Variants in MAP7D1 observed in about 807,000 individuals in gnomAD.
The protein encoded by MAP7D1 is MAP7 domain-containing protein 1.
Under a neutral mutation model 97.5 loss-of-function variants are expected in MAP7D1, and 30 were observed. The observed-to-expected ratio is 0.31, with a 90% CI of 0.23 to 0.42. MAP7D1 has a LOEUF of 0.42. Ranked by LOEUF, MAP7D1 falls within the 10% of genes least tolerant of loss-of-function variation. MAP7D1 has a pLI of 1.00. For missense variants in MAP7D1, 1,184 were observed against 1,179.5 expected, an observed-to-expected ratio of 1.00 and a Z score of -0.06; for synonymous variants, 536 against 477.1, an observed-to-expected ratio of 1.12 and a Z score of -1.61.
intron 1 of MAP7D1, among the ~76,000 whole-genome samples, chr1:36,161,742 G>A (rs1644411457): frequency 6.6e-6 from 1 of 152,130 alleles, no homozygotes. Context: ...TGTGTGCTGT[G>A]TGTGTCTCTG....
intron 6 of MAP7D1, among the ~76,000 whole-genome samples, 198 bp downstream of exon 6, chr1:36,175,206 C>G (rs543490867): frequency 6.6e-6 from 1 of 152,236 alleles, no homozygotes; most frequent in Non-Finnish European, 1.5e-5. Flanking sequence ...AGAGGTTGCC[C>G]TGTAGGAGAG....
At chr1:36,175,066 C>T in intron 6 of MAP7D1, 58 bp downstream of exon 6, 1 of 1,155,528 alleles carries the variant, frequency 8.7e-7, no homozygotes, top group Non-Finnish European at 1.3e-6. Flanking sequence ...CACCAAGCCT[C>T]CTCCAGAGCT....
chr1:36,172,776 GT>G, intron 4 of MAP7D1, 149 bp downstream of exon 4: 1 of 964,606 alleles, frequency 1.0e-6, no homozygotes, highest in Non-Finnish European at 1.4e-6. Flanking sequence ...GTGTCCCTGT[GT>G]TAGAATATCT....
chr1:36,173,341 C>G, intron 4 of MAP7D1, 23 bp from the exon 5 acceptor site: 1 of 1,585,398 alleles, frequency 6.3e-7, no homozygotes, highest in Non-Finnish European at 8.6e-7. Flanking sequence ...CCACATCTCT[C>G]TCTTCTCCCC....
chr1:36,161,877 A>ATGTGTGTGTGTGTGTGTGTG (rs10531948), intron 1 of MAP7D1, among the ~76,000 whole-genome samples: 2 of 139,042 alleles, frequency 1.4e-5, no homozygotes, highest in African/African-American at 5.6e-5. Context: ...GTGTGTGTGT[A>ATGTGTGTGTGTGTGTGTGTG]TGTGTGTGTG....
At chr1:36,177,152 G>A (rs546303529) in intron 8 of MAP7D1, among the ~76,000 whole-genome samples, 3 of 152,244 alleles carry the variant, frequency 2.0e-5, no homozygotes, top group African/African-American at 4.8e-5. Context: ...GTTTCGCTAC[G>A]TTGTCCAGGC....
At position 36,173,404 on chromosome 1, in the gene MAP7D1, C is replaced by T. The variant is rs756880630; in HGVS notation, c.665C>T (p.Thr222Met). 2.5e-6 allele frequency: 4 copies of T among 1,613,612 alleles called. No individual in the cohort carries two copies. Among genetic ancestry groups the T allele is most frequent in the Non-Finnish European group, 3.4e-6 (4 of 1,179,748 alleles). Residue 222 changes from threonine (T) to methionine (M), a missense_variant, in exon 5 of 17, where the codon ACG becomes ATG. Physicochemically the swap from Thr to Met is moderately conservative, Grantham distance 81. Coordinates refer to ENST00000474796, the MANE Select transcript of MAP7D1 (RefSeq NM_001388490.1). Reference sequence around the variant, plus strand: ...GCCATCCAACGGTCAGTGAAGAAGACGTGGGCCGAAATCCGGCAGCAGCGC... The same window carrying T: ...GCCATCCAACGGTCAGTGAAGAAGATGTGGGCCGAAATCCGGCAGCAGCGC... Reference protein sequence around the residue: ...EAAIQRSVKKTWAEIRQQRWS... With the variant: ...EAAIQRSVKKMWAEIRQQRWS...
At chr1:36,174,808 G>GC (rs1557779322) in intron 5 of MAP7D1, 90 bp from the exon 6 acceptor site, 1 of 362,962 alleles carries the variant, frequency 2.8e-6, no homozygotes, top group Non-Finnish European at 5.3e-6. Context: ...CTCCCACCCC[G>GC]CCCTCGGAGC....
intron 1 of MAP7D1, among the ~76,000 whole-genome samples, chr1:36,157,575 A>G (rs1365219656): frequency 1.3e-5 from 2 of 152,134 alleles, no homozygotes; most frequent in Non-Finnish European, 2.9e-5. Flanking sequence ...AGGGAAGAAC[A>G]TGATTATTGA....
intron 1 of MAP7D1, among the ~76,000 whole-genome samples, chr1:36,164,415 T>A (rs1374070669): frequency 6.6e-6 from 1 of 152,150 alleles, no homozygotes; most frequent in Non-Finnish European, 1.5e-5. Flanking sequence ...AAACCATGAC[T>A]ATATACAACA....
At position 36,176,433 on chromosome 1, in the gene MAP7D1, C is replaced by CG; in HGVS notation, c.1086dup (p.Arg363AlafsTer25). 6.6e-7 allele frequency: 1 copy of CG among 1,521,588 alleles called. No individual in the cohort carries two copies. Among genetic ancestry groups the CG allele is most frequent in the Non-Finnish European group, 8.7e-7 (1 of 1,143,712 alleles). 94.3% of individuals were successfully genotyped at this position (1,521,588 alleles called of 1,614,324 possible). A position where few individuals can be genotyped will look rare whatever the true frequency, so the allele number is the denominator to read the frequency against. On this transcript the variant is annotated frameshift_variant, in exon 7 of 17. Transcript: ENST00000474796. LOFTEE classifies it high-confidence loss of function. This position sits in a 1 kb window ranked among gnomAD's most constrained non-coding sequence, Gnocchi z 6.1. ...CCCTCTGCAGCCGTGCCGGTGTGCC[C>CG]GCGCTCGGCCTCCGCCAGCCCCCTG...
chr1:36,159,203 G>A lies in MAP7D1; in HGVS notation c.46+2740G>A, dbSNP rs272830. Among the ~76,000 whole-genome samples, 4 of 152,078 alleles carry A rather than the reference G, an allele frequency of 2.6e-5. No individual in the cohort carries two copies. The highest frequency in any genetic ancestry group is 4.4e-5 in the Non-Finnish European group (3 of 67,994). On this transcript the variant is annotated intron_variant, in intron 1 of 16. Transcript: ENST00000474796. This position sits in a 1 kb window ranked among gnomAD's most constrained non-coding sequence, Gnocchi z 5.4. ...CTCCCGAGTAGCTGGGATTACAGGC[G>A]CCTGCCACCGCGCCCGGCTAATTTT...
chr1:36,175,489 C>G (rs890194374), intron 6 of MAP7D1, among the ~76,000 whole-genome samples: 1 of 152,264 alleles, frequency 6.6e-6, no homozygotes, highest in African/African-American at 2.4e-5. Flanking sequence ...CAGTCATGGC[C>G]TTGGCTGGTC....
Position 36,161,283 on chromosome 1 carries a change from C to A in MAP7D1, c.46+4820C>A, listed in dbSNP as rs79960907. Among the ~76,000 whole-genome samples, 509 of 152,302 alleles carry A rather than the reference C, an allele frequency of 3.3e-3. 3 individuals are homozygous for A. The highest frequency in any genetic ancestry group is 0.012 in the African/African-American group (481 of 41,568). On this transcript the variant is annotated intron_variant, in intron 1 of 16. Transcript: ENST00000474796. ...GTCCAGGCCAGGGATAATGCTGCCC[C>A]CTAAGGGTCCCTCCTCTCCCGGCCC...
chr1:36,168,316 A>C (rs1182026120), intron 1 of MAP7D1, among the ~76,000 whole-genome samples: 1 of 144,986 alleles, frequency 6.9e-6, no homozygotes, highest in Non-Finnish European at 1.5e-5. Flanking sequence ...AAAAAAGCCC[A>C]ACTCTGCCAC....
At chr1:36,163,569 G>T (rs1336624741) in intron 1 of MAP7D1, among the ~76,000 whole-genome samples, 2 of 152,202 alleles carry the variant, frequency 1.3e-5, no homozygotes, top group Admixed American at 6.5e-5. Context: ...TAATTGTGAA[G>T]AAAATATTTG....
At chr1:36,175,427 G>A (rs1416385370) in intron 6 of MAP7D1, among the ~76,000 whole-genome samples, 1 of 152,190 alleles carries the variant, frequency 6.6e-6, no homozygotes, top group African/African-American at 2.4e-5. Flanking sequence ...CCCTCATTCT[G>A]GCTCCACCCT....
At chr1:36,171,647 A>C in intron 3 of MAP7D1, 66 bp downstream of exon 3, 10 of 1,544,372 alleles carry the variant, frequency 6.5e-6, no homozygotes, top group African/African-American at 1.4e-5. Context: ...AATAACACCA[A>C]CAGGCTGGGG....
chr1:36,178,080 C>G lies in MAP7D1; in HGVS notation c.1587C>G (p.Ser529Arg), dbSNP rs749728124. The change falls in exon 9 of 17, where the codon AGC becomes AGG. Residue 529 changes from serine to arginine, a missense_variant. Transcript: ENST00000474796. ...CAGGGCCCGAGGACAAGAGCCAGAG[C>G]AAGCGCAGGGCCAGTAACGAGAAGG... The part of the protein sequence containing the change: ...SAAGPEDKSQ[S>R]KRRASNEKES... 59 of 1,608,410 alleles carry G rather than the reference C, an allele frequency of 3.7e-5. No homozygotes were observed. Among genetic ancestry groups the G allele is most frequent in the Non-Finnish European group, 5.0e-5 (59 of 1,177,778 alleles).
Sources: gnomAD v4.1 joint callset for allele counts (sites outside exome capture counted in the v4.1 genomes callset) on GRCh38, gnomAD v4.1.1 for gene constraint, Gnocchi (gnomAD v3.1) non-coding constraint, MANE v1.5 for transcripts, NCBI Gene and HGNC (gene_info 2026-07-23, HGNC 2026-07-21) for gene names.